CADPS2: variants seen among roughly 807,000 people sequenced by gnomAD.
CADPS2 encodes calcium-dependent secretion activator 2.
CADPS2 carries 93 observed loss-of-function variants against 172.5 expected under a neutral mutation model. The ratio of observed to expected loss-of-function variants is 0.54; its 90% confidence interval spans 0.46 to 0.64. The LOEUF is 0.64. CADPS2 is among the 30% of genes least tolerant of loss of function. CADPS2 has a pLI of 0.00. For missense variants in CADPS2, 1,420 were observed against 1,565.9 expected (o/e 0.91, Z 1.57); for synonymous variants, 546 against 555.2 (o/e 0.98, Z 0.23).
intron 2 of CADPS2, among the ~76,000 whole-genome samples, chr7:122,672,986 C>T (rs1393724066): frequency 6.6e-6 from 1 of 152,162 alleles, no homozygotes; most frequent in Non-Finnish European, 1.5e-5. Context: ...CTGGTGGGTT[C>T]GTGGTCTCAC....
At chr7:122,852,238 C>T (rs999154471) in intron 1 of CADPS2, among the ~76,000 whole-genome samples, 4 of 152,182 alleles carry the variant, frequency 2.6e-5, no homozygotes, top group South Asian at 2.1e-4. Flanking sequence ...CTAGGAAGGA[C>T]TCTACCTAGG....
chr7:122,707,326 C>A (rs570095977), intron 2 of CADPS2, among the ~76,000 whole-genome samples: 5 of 151,732 alleles, frequency 3.3e-5, no homozygotes, highest in Non-Finnish European at 7.4e-5. Flanking sequence ...AACTTCCAGG[C>A]GCCAATTAAA....
intron 3 of CADPS2, among the ~76,000 whole-genome samples, chr7:122,652,564 T>C (rs1201496949): frequency 2.0e-5 from 3 of 152,202 alleles, no homozygotes; most frequent in Non-Finnish European, 4.4e-5. Context: ...GACAGATTAT[T>C]CTTCCTTCAC....
At chr7:122,397,940 T>C (rs146475768) in intron 20 of CADPS2, among the ~76,000 whole-genome samples, 193 of 152,256 alleles carry the variant, frequency 1.3e-3, no homozygotes, top group African/African-American at 4.5e-3. Context: ...ATTTTTCAGA[T>C]AAAAAAATAA....
chr7:122,627,344 A>C (rs1166004009), intron 4 of CADPS2, among the ~76,000 whole-genome samples: 13 of 152,220 alleles, frequency 8.5e-5, no homozygotes, highest in Non-Finnish European at 1.5e-5. Context: ...ACTTTGGTGA[A>C]CTTGAAGTGG....
At chr7:122,790,798 A>G (rs1795135628) in intron 1 of CADPS2, among the ~76,000 whole-genome samples, 1 of 152,166 alleles carries the variant, frequency 6.6e-6, no homozygotes, top group South Asian at 2.1e-4. Context: ...TAATTGATCT[A>G]CCACTTGAAA....
In CADPS2 at chr7:122,822,494, C is replaced by A. The variant is rs530457295; in HGVS notation, c.339+63505G>T. 2.2e-4 allele frequency among the ~76,000 whole-genome samples: 34 copies of A among 151,618 alleles called. No homozygotes were observed. In the East Asian group the frequency reaches 6.3e-3, roughly 28 times the overall value. On this transcript the variant is annotated intron_variant, in intron 1 of 29. Coordinates refer to ENST00000449022, the MANE Select transcript of CADPS2 (RefSeq NM_017954.11). ...ACCACCCCCCAAAAATTTTCGCCAC[C>A]CCAACACTTCAACACTATTTTGTTT...
Position 122,571,524 on chromosome 7 carries a change from A to T in CADPS2, c.1335+9655T>A, listed in dbSNP as rs143197313. Among the ~76,000 whole-genome samples the T allele has an allele frequency of 1.9e-3, 283 of 152,284 alleles. 4 individuals carry two copies. The highest frequency in any genetic ancestry group is 9.1e-3 in the East Asian group (47 of 5,170). ...TACCTCTACAGTGAAGACTCAGGCC[A>T]ACTTCTCAGAGAATGACCAAGGCAG... On this transcript the variant is annotated intron_variant, in intron 7 of 29. Coordinates refer to ENST00000449022, the MANE Select transcript of CADPS2 (RefSeq NM_017954.11).
intron 3 of CADPS2, among the ~76,000 whole-genome samples, chr7:122,655,770 T>A (rs913191431): frequency 1.3e-5 from 2 of 152,144 alleles, no homozygotes; most frequent in East Asian, 1.9e-4. Flanking sequence ...GTAAAATAAT[T>A]ATTATTATAT....
chr7:122,753,945 ATTAT>A (rs1251710120), intron 1 of CADPS2, among the ~76,000 whole-genome samples: 107 of 152,170 alleles, frequency 7.0e-4, no homozygotes, highest in Non-Finnish European at 1.3e-4. Context: ...GAATTTTAAC[ATTAT>A]TTAAACATTT....
At chr7:122,812,427 G>A (rs1463675522) in intron 1 of CADPS2, among the ~76,000 whole-genome samples, 2 of 151,258 alleles carry the variant, frequency 1.3e-5, no homozygotes, top group Non-Finnish European at 3.0e-5. Flanking sequence ...AAAAAAGAGA[G>A]AGAGAGAGAG....
intron 3 of CADPS2, among the ~76,000 whole-genome samples, chr7:122,645,514 TTATATATATATAAG>T (rs1271678918): frequency 4.5e-5 from 5 of 112,212 alleles, no homozygotes; most frequent in Non-Finnish European, 7.3e-5. Flanking sequence ...ATATATATAC[TTATATATATATAAG>T]TATATATATA....
rs374466187 is a variant in CADPS2 at position 122,759,984 on chromosome 7, T to TTATA, written c.340-22920_340-22917dup. Among the ~76,000 whole-genome samples, 245 of 148,450 alleles carry TTATA rather than the reference T, an allele frequency of 1.7e-3. 2 individuals carry two copies. The highest frequency in any genetic ancestry group is 0.013 in the South Asian group (62 of 4,688). ...TTATGTGGGTGTATATAGGTGTATT[T>TTATA]TATATATATATATATATACACACAC... On this transcript the variant is annotated intron_variant, in intron 1 of 29. Transcript: ENST00000449022.
intron 15 of CADPS2, among the ~76,000 whole-genome samples, chr7:122,442,581 ATAATT>A (rs1193711103): frequency 1.3e-5 from 2 of 152,216 alleles, no homozygotes; most frequent in African/African-American, 4.8e-5. Context: ...TTCTCACACC[ATAATT>A]TAAACATATT....
intron 1 of CADPS2, among the ~76,000 whole-genome samples, chr7:122,827,471 A>G (rs1805253814): frequency 6.6e-6 from 1 of 152,004 alleles, no homozygotes. Flanking sequence ...TGTCTCTACT[A>G]AAAATAAAAA....
At chr7:122,578,651 G>A (rs894155637) in intron 7 of CADPS2, among the ~76,000 whole-genome samples, 6 of 152,086 alleles carry the variant, frequency 3.9e-5, no homozygotes, top group Admixed American at 3.9e-4. Flanking sequence ...ATAATGAGGA[G>A]TCTGATTTTT....
intron 2 of CADPS2, among the ~76,000 whole-genome samples, chr7:122,693,465 T>C (rs1462772581): frequency 6.6e-6 from 1 of 152,186 alleles, no homozygotes; most frequent in Non-Finnish European, 1.5e-5. Context: ...TTAAAGGTTC[T>C]TTGGAACAGT....
chr7:122,361,872 G>A (rs890223249), intron 25 of CADPS2, among the ~76,000 whole-genome samples: 3 of 151,888 alleles, frequency 2.0e-5, no homozygotes, highest in South Asian at 4.2e-4. Context: ...TCAGGAGTTC[G>A]AGACCAGCCT....
At chr7:122,694,954 C>T (rs1212743436) in intron 2 of CADPS2, among the ~76,000 whole-genome samples, 1 of 152,170 alleles carries the variant, frequency 6.6e-6, no homozygotes, top group Non-Finnish European at 1.5e-5. Context: ...TTGATACCTA[C>T]GTGCTGCTTC....
Sources: gnomAD v4.1 joint callset for allele counts (sites outside exome capture counted in the v4.1 genomes callset) on GRCh38, gnomAD v4.1.1 for gene constraint, MANE v1.5 for transcripts, NCBI Gene and HGNC (gene_info 2026-07-23, HGNC 2026-07-21) for gene names.